XIRP2: variants seen among roughly 807,000 people sequenced by gnomAD.
XIRP2 encodes xin actin-binding repeat-containing protein 2.
XIRP2 carries 236 observed loss-of-function variants against 277.0 expected under a neutral mutation model. That is an observed-to-expected ratio of 0.85 (90% confidence interval 0.77 to 0.95). The LOEUF is 0.95. XIRP2 is among the 40% of genes least tolerant of loss of function. XIRP2 has a pLI of 0.00. For missense variants in XIRP2, 4,640 were observed against 4,157.5 expected, an observed-to-expected ratio of 1.12 and a Z score of -3.19; for synonymous variants, 1,490 against 1,416.5, an observed-to-expected ratio of 1.05 and a Z score of -1.17.
chr2:167,063,846 A>G (rs1265391922), intron 2 of XIRP2, among the ~76,000 whole-genome samples: 3 of 151,670 alleles, frequency 2.0e-5, no homozygotes, highest in Non-Finnish European at 4.4e-5. Context: ...TAAACAATAT[A>G]TAAACAATAT....
At chr2:167,141,236 A>G (rs1691708926) in intron 3 of XIRP2, among the ~76,000 whole-genome samples, 1 of 152,220 alleles carries the variant, frequency 6.6e-6, no homozygotes, top group Non-Finnish European at 1.5e-5. Context: ...AAATGTGTAC[A>G]TATTTCTACC....
intron 1 of XIRP2, among the ~76,000 whole-genome samples, chr2:166,897,780 C>T (rs771691938): frequency 1.3e-5 from 2 of 152,014 alleles, no homozygotes; most frequent in Non-Finnish European, 2.9e-5. Context: ...AATAGACCAC[C>T]TTTCAGAGGC....
In XIRP2 at chr2:167,243,420, AG is replaced by A. The variant is rs1360121087; in HGVS notation, c.2029del (p.Ala677ArgfsTer2). On this transcript the variant is annotated frameshift_variant, in exon 9 of 11. Coordinates refer to ENST00000409195, the MANE Select transcript of XIRP2 (RefSeq NM_152381.6). LOFTEE classifies it high-confidence loss of function. ...NKMHQSQEES[A>X]VTISKDITGG... is the part of the protein sequence containing the mutation. ...AAATGCATCAAAGTCAAGAAGAATCAGCGGTAACTATCAGTAAGGACATAAC... is the reference window on the plus strand; with the variant it reads ...AAATGCATCAAAGTCAAGAAGAATCACGGTAACTATCAGTAAGGACATAAC... 6.2e-7 allele frequency: 1 copy of A among 1,613,964 alleles called. No homozygotes were observed. The highest frequency in any genetic ancestry group is 2.2e-5 in the East Asian group (1 of 44,870).
chr2:167,021,448 A>T (rs1163747289), intron 2 of XIRP2, among the ~76,000 whole-genome samples: 5 of 152,140 alleles, frequency 3.3e-5, no homozygotes, highest in Admixed American at 1.3e-4. Context: ...TATTTTTAGT[A>T]ATATTGAACT....
At chr2:167,214,096 AGG>A (rs1156820983) in intron 4 of XIRP2, among the ~76,000 whole-genome samples, 70 of 92,722 alleles carry the variant, frequency 7.5e-4, no homozygotes, top group African/African-American at 4.0e-3. Flanking sequence ...GAAAGAAAGA[AGG>A]AAGGAAGGAA....
At chr2:167,184,509 C>A (rs1341886858) in intron 3 of XIRP2, 1 of 709,608 alleles carries the variant, frequency 1.4e-6, no homozygotes, top group Non-Finnish European at 2.6e-6. Context: ...CATGGAATTG[C>A]CAAAGGTTCT....
intron 2 of XIRP2, among the ~76,000 whole-genome samples, chr2:167,118,777 C>T (rs540860233): frequency 2.0e-5 from 3 of 152,074 alleles, no homozygotes; most frequent in African/African-American, 7.2e-5. Context: ...TATTACGGCA[C>T]CACAAACAAA....
chr2:167,073,470 T>C (rs1306245874), intron 2 of XIRP2, among the ~76,000 whole-genome samples: 1 of 152,242 alleles, frequency 6.6e-6, no homozygotes, highest in Non-Finnish European at 1.5e-5. Flanking sequence ...TACTCATCTG[T>C]TCAATCTATT....
At chr2:166,995,531 G>C (rs1431671219) in intron 2 of XIRP2, among the ~76,000 whole-genome samples, 1 of 152,122 alleles carries the variant, frequency 6.6e-6, no homozygotes, top group Non-Finnish European at 1.5e-5. Context: ...CAAGGTTCTT[G>C]ATAATATTTG....
At position 167,027,972 on chromosome 2, in the gene XIRP2, C is replaced by A. The variant is rs185316997; in HGVS notation, c.409-107937C>A. Among the ~76,000 whole-genome samples, 831 of 152,142 alleles carry A rather than the reference C, an allele frequency of 5.5e-3. 6 individuals carry two copies. Among genetic ancestry groups the A allele is most frequent in the Non-Finnish European group, 7.7e-3 (521 of 67,994 alleles). ...AAATGTACAGTGAGAAGAGGCATCA[C>A]ACACTGCAGGAGGAAAACAAATGGA... On this transcript the variant is annotated intron_variant, in intron 2 of 10. Transcript: ENST00000409195.
chr2:166,951,699 A>G (rs1385418306), intron 2 of XIRP2, among the ~76,000 whole-genome samples: 1 of 152,014 alleles, frequency 6.6e-6, no homozygotes, highest in Non-Finnish European at 1.5e-5. Context: ...AAATCACTGG[A>G]CCAGAGGTCA....
intron 3 of XIRP2, among the ~76,000 whole-genome samples, chr2:167,198,089 T>A (rs552926026): frequency 6.6e-6 from 1 of 152,306 alleles, no homozygotes; most frequent in East Asian, 1.9e-4. Context: ...TAAATAACTG[T>A]AAATAAATTA....
At chr2:167,073,588 T>C (rs1056637179) in intron 2 of XIRP2, among the ~76,000 whole-genome samples, 14 of 152,144 alleles carry the variant, frequency 9.2e-5, no homozygotes, top group African/African-American at 3.4e-4. Flanking sequence ...CTCATTAAGA[T>C]TCAGTCCTTC....
At chr2:167,075,464 C>T (rs1689539352) in intron 2 of XIRP2, among the ~76,000 whole-genome samples, 1 of 152,168 alleles carries the variant, frequency 6.6e-6, no homozygotes, top group South Asian at 2.1e-4. Context: ...CTAAGAGTTT[C>T]ACAGCTGCTT....
intron 3 of XIRP2, among the ~76,000 whole-genome samples, chr2:167,202,698 T>C (rs1372085389): frequency 2.0e-5 from 3 of 152,232 alleles, no homozygotes; most frequent in Non-Finnish European, 4.4e-5. Context: ...CACATGTATG[T>C]GTACAGTGAA....
intron 2 of XIRP2, among the ~76,000 whole-genome samples, chr2:167,025,490 C>T (rs1360774108): frequency 6.6e-6 from 1 of 151,952 alleles, no homozygotes; most frequent in Non-Finnish European, 1.5e-5. Context: ...TTCTTGCCTT[C>T]TGCTAGCTTT....
intron 3 of XIRP2, among the ~76,000 whole-genome samples, chr2:167,186,539 A>G (rs1267079694): frequency 3.9e-5 from 6 of 152,076 alleles, no homozygotes; most frequent in Non-Finnish European, 8.8e-5. Flanking sequence ...GTTATTTTCT[A>G]TTTACTGAGA....
intron 9 of XIRP2, among the ~76,000 whole-genome samples, chr2:167,253,551 A>G (rs1695575196): frequency 1.3e-5 from 2 of 151,848 alleles, no homozygotes; most frequent in African/African-American, 4.8e-5. Flanking sequence ...TGTATTTTAG[A>G]AAGATCTATC....
intron 2 of XIRP2, among the ~76,000 whole-genome samples, chr2:166,915,141 CA>C (rs916428720): frequency 7.6e-5 from 11 of 145,206 alleles, no homozygotes; most frequent in Non-Finnish European, 1.1e-4. Context: ...ACTAAAAATA[CA>C]AAAAAAAAAT....
Sources: gnomAD v4.1 joint callset for allele counts (sites outside exome capture counted in the v4.1 genomes callset) on GRCh38, gnomAD v4.1.1 for gene constraint, MANE v1.5 for transcripts, NCBI Gene and HGNC (gene_info 2026-07-23, HGNC 2026-07-21) for gene names.